Variants in DHX15 observed in about 807,000 individuals in gnomAD.
DHX15 encodes the protein ATP-dependent RNA helicase DHX15.
DHX15 carries 11 observed loss-of-function variants against 94.4 expected under a neutral mutation model. That is an observed-to-expected ratio of 0.12 (90% confidence interval 0.07 to 0.19). The LOEUF (loss-of-function observed/expected upper bound fraction) is 0.19, where lower values mean the gene tolerates loss of function less well. DHX15 is among the 10% of genes least tolerant of loss of function. The pLI, the probability that DHX15 is intolerant of heterozygous loss-of-function variation, is 1.00. For synonymous variants in DHX15, 338 were observed against 329.9 expected (o/e 1.02, Z -0.27); for missense variants, 304 against 988.5 (o/e 0.31, Z 9.29).
rs192589784 is a variant in DHX15 at position 24,577,864 on chromosome 4, C to A, written c.72-1186G>T. Among the ~76,000 whole-genome samples the A allele has an allele frequency of 2.2e-4, 34 of 152,248 alleles. No homozygotes were observed. In the East Asian group the frequency reaches 5.6e-3, roughly 25 times the overall value. On this transcript the variant is annotated intron_variant, in intron 1 of 13. Coordinates refer to ENST00000336812, the MANE Select transcript of DHX15 (RefSeq NM_001358.3). ...CCAAGTCCATCAGCAGAGAAATTTGCCTCAAGATCTTTAAACCCAGACTTG... is the reference window on the plus strand; with the variant it reads ...CCAAGTCCATCAGCAGAGAAATTTGACTCAAGATCTTTAAACCCAGACTTG...
In DHX15 at chr4:24,543,018, C is replaced by T; in HGVS notation, c.1257G>A (p.Val419=). 6.2e-7 allele frequency: 1 copy of T among 1,607,134 alleles called. No individual in the cohort carries two copies. The highest frequency in any genetic ancestry group is 8.5e-7 in the Non-Finnish European group (1 of 1,174,396). The change falls in exon 7 of 14, where the codon GTG becomes GTA. Residue 419 remains valine (V), a synonymous_variant. Coordinates refer to ENST00000336812, the MANE Select transcript of DHX15 (RefSeq NM_001358.3). The part of the protein sequence containing the change: ...QNGAIGRKVV[V]STNIAETSLT... Reference sequence around the variant, plus strand: ...AAGACGTCTCTGCTATGTTAGTTGACACAACTACCTGTTAAGAAATAGAGT... The same window carrying T: ...AAGACGTCTCTGCTATGTTAGTTGATACAACTACCTGTTAAGAAATAGAGT...
At position 24,540,165 on chromosome 4, in the gene DHX15, C is replaced by A; in HGVS notation, c.1729G>T (p.Ala577Ser). The A allele has an allele frequency of 6.2e-7, 1 of 1,613,006 alleles. No individual in the cohort carries two copies. Among genetic ancestry groups the A allele is most frequent in the Non-Finnish European group, 8.5e-7 (1 of 1,179,352 alleles). Residue 577 changes from alanine (A) to serine (S), a missense_variant, in exon 10 of 14, where the codon GCA becomes TCA. Physicochemically the swap from Ala to Ser is moderately conservative, Grantham distance 99. Coordinates refer to ENST00000336812, the MANE Select transcript of DHX15 (RefSeq NM_001358.3). ...LDPQLAKMVI[A>S]SCDYNCSNEV... ...TTAGAACAGTTGTAGTCACAACTTG[C>A]AATAACCATTTTTGCGAGCTGTGGA...
At chr4:24,549,111 A>C in intron 5 of DHX15, 89 bp from the exon 6 acceptor site, 1 of 1,093,954 alleles carries the variant, frequency 9.1e-7, no homozygotes, top group Non-Finnish European at 1.2e-6. Context: ...TGTTTTATGT[A>C]TGCCATCTTC....
At chr4:24,535,339 C>T (rs554595822) in intron 11 of DHX15, among the ~76,000 whole-genome samples, 1 of 152,144 alleles carries the variant, frequency 6.6e-6, no homozygotes, top group African/African-American at 2.4e-5. Context: ...ACCATTTTAA[C>T]TTACTACATC....
intron 3 of DHX15, among the ~76,000 whole-genome samples, chr4:24,560,679 T>C (rs533226263): frequency 8.4e-4 from 128 of 152,170 alleles, no homozygotes; most frequent in Non-Finnish European, 1.6e-3. Context: ...ATCAATTTTA[T>C]AATACCGCAT....
At chr4:24,536,283 AT>A (rs1198912761) in intron 11 of DHX15, among the ~76,000 whole-genome samples, 9 of 150,342 alleles carry the variant, frequency 6.0e-5, no homozygotes, top group African/African-American at 9.7e-5. Context: ...TAGGTAGCCA[AT>A]TTTTTTTTTA....
At chr4:24,564,882 A>T (rs1008798503) in intron 3 of DHX15, among the ~76,000 whole-genome samples, 1 of 152,220 alleles carries the variant, frequency 6.6e-6, no homozygotes, top group African/African-American at 2.4e-5. Context: ...GGCAAAAAGG[A>T]AACATCAAAC....
chr4:24,565,407 C>T (rs1392677244), intron 3 of DHX15, among the ~76,000 whole-genome samples: 1 of 152,212 alleles, frequency 6.6e-6, no homozygotes, highest in African/African-American at 2.4e-5. Flanking sequence ...ATTCCCACCT[C>T]TTTTTAAGAG....
At chr4:24,541,164 G>A (rs748505614) in intron 8 of DHX15, among the ~76,000 whole-genome samples, 5 of 152,018 alleles carry the variant, frequency 3.3e-5, no homozygotes, top group African/African-American at 9.7e-5. Context: ...CATAAAACTC[G>A]CAACTGCAGA....
At chr4:24,569,658 C>T (rs149405552) in intron 3 of DHX15, among the ~76,000 whole-genome samples, 3 of 150,550 alleles carry the variant, frequency 2.0e-5, no homozygotes, top group African/African-American at 7.3e-5. Flanking sequence ...CTATATATCT[C>T]TCTGACAACA....
chr4:24,583,446 G>C (rs189038487), intron 1 of DHX15, among the ~76,000 whole-genome samples: 167 of 151,594 alleles, frequency 1.1e-3, no homozygotes, highest in Admixed American at 2.1e-3. Context: ...ATGAAGAAAA[G>C]TGGGACATGC....
At chr4:24,579,431 TA>T (rs1477782134) in intron 1 of DHX15, among the ~76,000 whole-genome samples, 1 of 152,232 alleles carries the variant, frequency 6.6e-6, no homozygotes, top group East Asian at 1.9e-4. Context: ...CTTTTTATTA[TA>T]AAGGAGTTTT....
chr4:24,555,785 G>A (rs1486215976), intron 4 of DHX15, among the ~76,000 whole-genome samples: 2 of 152,144 alleles, frequency 1.3e-5, no homozygotes, highest in African/African-American at 2.4e-5. Context: ...ATGTGGTATG[G>A]AGGAAAGAAG....
At chr4:24,541,598 T>A (rs1026635115) in intron 8 of DHX15, among the ~76,000 whole-genome samples, 92 of 152,156 alleles carry the variant, frequency 6.0e-4, no homozygotes, top group African/African-American at 2.0e-3. Flanking sequence ...TCAGTGAAAT[T>A]GTAAAGAAAG....
At chr4:24,579,332 A>T (rs977826740) in intron 1 of DHX15, among the ~76,000 whole-genome samples, 1 of 152,256 alleles carries the variant, frequency 6.6e-6, no homozygotes, top group Non-Finnish European at 1.5e-5. Flanking sequence ...GTACAAATGA[A>T]AGGTGAGTAA....
In DHX15 at chr4:24,584,330, T is replaced by C. The variant is rs1722556896; in HGVS notation, c.64A>G (p.Thr22Ala). 1.2e-6 allele frequency: 2 copies of C among 1,612,476 alleles called. No homozygotes were observed. The highest frequency in any genetic ancestry group is 1.7e-6 in the Non-Finnish European group (2 of 1,179,514). Reference sequence around the variant, plus strand: ...GCCCCCGGCCTGGCTTACCCATCGGTCCCCGCACGCTTCTTGCCAGAGGGG... The same window carrying C: ...GCCCCCGGCCTGGCTTACCCATCGGCCCCCGCACGCTTCTTGCCAGAGGGG... ...DYPSGKKRAG[T>A]DGKDRDRDRD... Residue 22 changes from threonine (T) to alanine (A), a missense_variant, in exon 1 of 14, where the codon ACC becomes GCC. Physicochemically the swap from Thr to Ala is moderately conservative, Grantham distance 58. Coordinates refer to ENST00000336812, the MANE Select transcript of DHX15 (RefSeq NM_001358.3).
rs58459661 is a variant in DHX15 at position 24,550,094 on chromosome 4, C to CAAAAAAAAAAAAAAAAAAAAAAA, written c.1081-1095_1081-1073dup. On this transcript the variant is annotated intron_variant, in intron 5 of 13. Transcript: ENST00000336812. ...GGGCAAAAAGAGGGAAACTCCGTCTCAAAAAAAAAAAAAAAAAAAAAAAAA... is the reference window on the plus strand; with the variant it reads ...GGGCAAAAAGAGGGAAACTCCGTCTCAAAAAAAAAAAAAAAAAAAAAAAAAAAAAAAAAAAAAAAAAAAAAAAA... Among the ~76,000 whole-genome samples the CAAAAAAAAAAAAAAAAAAAAAAA allele has an allele frequency of 1.3e-3, 65 of 49,742 alleles. 11 individuals carry two copies. Among genetic ancestry groups the CAAAAAAAAAAAAAAAAAAAAAAA allele is most frequent in the South Asian group, 6.0e-3 (5 of 836 alleles). 32.6% of individuals were successfully genotyped at this position (49,742 alleles called of 152,430 possible).
chr4:24,542,347 C>T (rs189043359), intron 7 of DHX15, among the ~76,000 whole-genome samples: 26 of 152,098 alleles, frequency 1.7e-4, no homozygotes, highest in Admixed American at 7.2e-4. Context: ...GGATTCTGCC[C>T]GAAAAGAAAC....
intron 1 of DHX15, among the ~76,000 whole-genome samples, chr4:24,583,966 G>C (rs1236399280): frequency 6.6e-6 from 1 of 151,874 alleles, no homozygotes; most frequent in Non-Finnish European, 1.5e-5. Context: ...CCTCTCCTCC[G>C]GCTCCAGGCC....
Sources: allele counts gnomAD v4.1 joint callset (sites outside exome capture counted in the v4.1 genomes callset), GRCh38; gene constraint gnomAD v4.1.1; transcripts MANE v1.5; gene names NCBI Gene and HGNC (gene_info 2026-07-23, HGNC 2026-07-21).